TMEM132C: variants seen among roughly 807,000 people sequenced by gnomAD.
TMEM132C encodes the protein protein phosphatase 1, regulatory subunit 152.
In TMEM132C, 29 loss-of-function variants were observed where a neutral mutation model predicts 61.4. The observed-to-expected ratio is 0.47, with a 90% CI of 0.35 to 0.64. The LOEUF (loss-of-function observed/expected upper bound fraction) is 0.64. TMEM132C is among the 30% of genes least tolerant of loss of function. The probability of loss-of-function intolerance (pLI) is 0.00; values close to 1 mark genes in which losing one functional copy is unlikely to be tolerated. For synonymous variants in TMEM132C, 656 were observed against 633.1 expected (o/e 1.04, Z -0.54); for missense variants, 1,408 against 1,476.9 (o/e 0.95, Z 0.76).
At chr12:128,481,896 G>A (rs1239396973) in intron 2 of TMEM132C, among the ~76,000 whole-genome samples, 1 of 152,158 alleles carries the variant, frequency 6.6e-6, no homozygotes, top group Non-Finnish European at 1.5e-5. Context: ...CAAAGCTGCT[G>A]AGAAGCCTTT....
chr12:128,657,260 A>C (rs1014606120), intron 4 of TMEM132C, among the ~76,000 whole-genome samples: 1 of 152,182 alleles, frequency 6.6e-6, no homozygotes, highest in Non-Finnish European at 1.5e-5. Flanking sequence ...ATACATACAG[A>C]ACTGGTTTCC....
At position 128,382,182 on chromosome 12, in the gene TMEM132C, C is replaced by T. The variant is rs149766577; in HGVS notation, c.86-32550C>T. ...AGAAGCCATTGTTCTGAGCTTGGCA[C>T]GAGCTCCCGGACCCTTCACGTATTG... On this transcript the variant is annotated intron_variant, in intron 1 of 8. Transcript: ENST00000435159. 2.1e-3 allele frequency among the ~76,000 whole-genome samples: 315 copies of T among 152,270 alleles called. 1 individual carries two copies. Among genetic ancestry groups the T allele is most frequent in the African/African-American group, 7.4e-3 (307 of 41,558 alleles).
intron 2 of TMEM132C, among the ~76,000 whole-genome samples, chr12:128,442,719 A>G (rs746181972): frequency 4.6e-5 from 7 of 152,196 alleles, no homozygotes; most frequent in Non-Finnish European, 1.0e-4. Flanking sequence ...TTTAAAAATT[A>G]AGGTGAAATT....
intron 3 of TMEM132C, among the ~76,000 whole-genome samples, chr12:128,556,661 T>C (rs1319176602): frequency 6.6e-6 from 1 of 152,158 alleles, no homozygotes; most frequent in Non-Finnish European, 1.5e-5. Flanking sequence ...GAAGTGATGC[T>C]ATGTAACTTT....
At chr12:128,407,411 C>T (rs528654680) in intron 1 of TMEM132C, among the ~76,000 whole-genome samples, 14 of 152,154 alleles carry the variant, frequency 9.2e-5, no homozygotes, top group African/African-American at 3.1e-4. Flanking sequence ...ACTAATCATA[C>T]GGTCAATTCT....
intron 5 of TMEM132C, among the ~76,000 whole-genome samples, chr12:128,675,557 C>G (rs527799338): frequency 1.3e-5 from 2 of 152,274 alleles, no homozygotes; most frequent in African/African-American, 4.8e-5. Context: ...ACTATATACC[C>G]TTTACTGAGG....
At position 128,492,702 on chromosome 12, in the gene TMEM132C, G is replaced by T. The variant is rs1871785377; in HGVS notation, c.975-51255G>T. ...TGTCCACTTTGTGATGGGGTTGTTT[G>T]TTTTTTTCTTGTAAATTTGTTTGAG... On this transcript the variant is annotated intron_variant, in intron 2 of 8. Coordinates refer to ENST00000435159, the MANE Select transcript of TMEM132C (RefSeq NM_001136103.3). Among the ~76,000 whole-genome samples the T allele has an allele frequency of 2.0e-5, 3 of 152,086 alleles. No homozygotes were observed. The South Asian group carries it at 6.2e-4, about 32-fold the overall frequency.
At position 128,390,204 on chromosome 12, in the gene TMEM132C, G is replaced by A. The variant is rs543834099; in HGVS notation, c.86-24528G>A. ...GTTTTCTGGGCTACTGTAATGGAGC[G>A]CCACAACTTTCTTGGCTTAAAAATA... On this transcript the variant is annotated intron_variant, in intron 1 of 8. Coordinates refer to ENST00000435159, the MANE Select transcript of TMEM132C (RefSeq NM_001136103.3). Among the ~76,000 whole-genome samples, 79 of 152,270 alleles carry A rather than the reference G, an allele frequency of 5.2e-4. No individual in the cohort carries two copies. The Middle Eastern group carries it at 0.014, about 26-fold the overall frequency.
intron 1 of TMEM132C, among the ~76,000 whole-genome samples, chr12:128,284,063 G>A (rs1870981046): frequency 6.6e-6 from 1 of 152,194 alleles, no homozygotes; most frequent in African/African-American, 2.4e-5. Flanking sequence ...TCTACCTCAG[G>A]ATACCCATTT....
At chr12:128,357,069 A>C (rs80128678) in intron 1 of TMEM132C, among the ~76,000 whole-genome samples, 3,504 of 152,314 alleles carry the variant, frequency 0.023, 109 homozygotes, top group African/African-American at 0.069. Flanking sequence ...CCATTAAGTT[A>C]AATACAGAAT....
At chr12:128,295,666 AG>A (rs1871388354) in intron 1 of TMEM132C, among the ~76,000 whole-genome samples, 1 of 150,414 alleles carries the variant, frequency 6.6e-6, no homozygotes, top group Non-Finnish European at 1.5e-5. Context: ...GAAAGAAAAA[AG>A]GGTGGGGTAC....
chr12:128,275,119 G>C (rs1319629226), intron 1 of TMEM132C, among the ~76,000 whole-genome samples: 1 of 152,134 alleles, frequency 6.6e-6, no homozygotes, highest in Non-Finnish European at 1.5e-5. Context: ...AAAAATAAAG[G>C]ACAGCTTTTC....
chr12:128,513,159 A>T (rs1872618993), intron 2 of TMEM132C, among the ~76,000 whole-genome samples: 1 of 152,128 alleles, frequency 6.6e-6, no homozygotes, highest in Non-Finnish European at 1.5e-5. Context: ...AGGGGACATG[A>T]TACAGAGATC....
chr12:128,315,789 AC>A (rs1872132802), intron 1 of TMEM132C, among the ~76,000 whole-genome samples: 1 of 151,942 alleles, frequency 6.6e-6, no homozygotes, highest in South Asian at 2.1e-4. Context: ...CCATGTGCAG[AC>A]CCCAAGAGAG....
intron 3 of TMEM132C, among the ~76,000 whole-genome samples, chr12:128,600,886 T>C (rs1876160605): frequency 6.6e-6 from 1 of 152,196 alleles, no homozygotes; most frequent in African/African-American, 2.4e-5. Context: ...GTAAAAACTA[T>C]ATCCCCCCAG....
rs1381629838 is a variant in TMEM132C at position 128,415,489 on chromosome 12, C to T, written c.843C>T (p.Ala281=). 2.6e-6 allele frequency: 4 copies of T among 1,551,582 alleles called. No homozygotes were observed. Among genetic ancestry groups the T allele is most frequent in the African/African-American group, 2.7e-5 (2 of 73,140 alleles). ...TVGLYRAQDS[A]QLSELRLDGN... is the part of the protein sequence containing the mutation. ...GCCTTTACCGGGCCCAGGACAGCGC[C>T]CAGCTCAGCGAGCTGCGTTTGGATG... The change falls in exon 2 of 9, where the codon GCC becomes GCT. Residue 281 remains alanine (A), a synonymous_variant. Transcript: ENST00000435159. The surrounding 1 kb of genome is among the most constrained non-coding windows in gnomAD (Gnocchi z 5.8).
In TMEM132C at chr12:128,570,345, G is replaced by T. The variant is rs143090055; in HGVS notation, c.1121+26242G>T. Among the ~76,000 whole-genome samples, 2 of 152,148 alleles carry T rather than the reference G, an allele frequency of 1.3e-5. No individual in the cohort carries two copies. The highest frequency in any genetic ancestry group is 4.1e-4 in the South Asian group (2 of 4,830). ...TTCTTTTCCAAGTAATTCACAACAC[G>T]TGAGTGCATTCATGGGCCTTTACAA... On this transcript the variant is annotated intron_variant, in intron 3 of 8. Transcript: ENST00000435159. The surrounding 1 kb of genome is among the most constrained non-coding windows in gnomAD (Gnocchi z 4.7).
chr12:128,636,907 C>T (rs1253535819), intron 4 of TMEM132C, among the ~76,000 whole-genome samples: 1 of 152,076 alleles, frequency 6.6e-6, no homozygotes, highest in Non-Finnish European at 1.5e-5. Context: ...TAGGGTCCTC[C>T]AGGTTCATCC....
At chr12:128,543,517 C>A (rs773352115) in intron 2 of TMEM132C, among the ~76,000 whole-genome samples, 1 of 152,084 alleles carries the variant, frequency 6.6e-6, no homozygotes, top group African/African-American at 2.4e-5. Flanking sequence ...TGTTTAGCTA[C>A]GTTCCTCCTT....
Sources: allele counts gnomAD v4.1 joint callset (sites outside exome capture counted in the v4.1 genomes callset), GRCh38; gene constraint gnomAD v4.1.1; non-coding constraint Gnocchi (gnomAD v3.1); transcripts MANE v1.5; gene names NCBI Gene and HGNC (gene_info 2026-07-23, HGNC 2026-07-21).